The following SPATA19 variants were observed in gnomAD, a reference collection of about 807,000 sequenced individuals.
The protein encoded by SPATA19 is spermatogenesis associated 19, also known as spermatogenesis-associated protein 19, mitochondrial.
Under a neutral mutation model 25.0 loss-of-function variants are expected in SPATA19, and 19 were observed. That is an observed-to-expected ratio of 0.76 (90% CI 0.53 to 1.11). SPATA19 has a LOEUF of 1.11. Among genes scored for constraint, SPATA19 ranks in the 50% most tolerant of loss-of-function variants. The pLI is 0.00. For synonymous variants in SPATA19, 64 were observed against 69.3 expected, an observed-to-expected ratio of 0.92 and a Z score of 0.38; for missense variants, 222 against 211.4, an observed-to-expected ratio of 1.05 and a Z score of -0.31.
chr11:133,843,969 C>G (rs1270063435), intron 4 of SPATA19, among the ~76,000 whole-genome samples: 2 of 152,188 alleles, frequency 1.3e-5, no homozygotes, highest in Admixed American at 1.3e-4. Flanking sequence ...CTGAGCAACT[C>G]AAGTGCAAAA....
downstream of SPATA19, among the ~76,000 whole-genome samples, chr11:133,839,719 A>C (rs1938271317): frequency 6.6e-6 from 1 of 152,180 alleles, no homozygotes; most frequent in Non-Finnish European, 1.5e-5. Flanking sequence ...TGTCAGTAGA[A>C]TCTACCCAAA....
downstream of SPATA19, among the ~76,000 whole-genome samples, chr11:133,837,150 C>T (rs1161964759): frequency 1.3e-5 from 2 of 152,216 alleles, no homozygotes; most frequent in East Asian, 3.9e-4. Flanking sequence ...TGGAAGTCAT[C>T]ACTCTCATCC....
downstream of SPATA19, among the ~76,000 whole-genome samples, chr11:133,839,696 T>A (rs1016711600): frequency 2.0e-5 from 3 of 151,380 alleles, no homozygotes; most frequent in Non-Finnish European, 4.4e-5. Flanking sequence ...TTAAAAAATT[T>A]AAAAAAAAGA....
At chr11:133,843,081 G>A (rs1938344613) in intron 4 of SPATA19, among the ~76,000 whole-genome samples, 1 of 152,162 alleles carries the variant, frequency 6.6e-6, no homozygotes, top group South Asian at 2.1e-4. Flanking sequence ...CAAAACCAGT[G>A]GGTTGTGGGG....
downstream of SPATA19, among the ~76,000 whole-genome samples, chr11:133,836,548 G>T (rs925354402): frequency 1.3e-5 from 2 of 152,202 alleles, no homozygotes; most frequent in African/African-American, 2.4e-5. Context: ...TCAAACTCTG[G>T]CTATGCCATT....
chr11:133,844,028 A>G (rs1938365995), intron 4 of SPATA19, among the ~76,000 whole-genome samples: 1 of 152,252 alleles, frequency 6.6e-6, no homozygotes, highest in African/African-American at 2.4e-5. Flanking sequence ...AATGGAGTGC[A>G]AGCCCAGTTT....
intron 5 of SPATA19, 138 bp downstream of exon 5, chr11:133,842,347 T>A: frequency 1.3e-6 from 1 of 789,032 alleles, no homozygotes; most frequent in Non-Finnish European, 2.2e-6. Context: ...GACGCAGCCC[T>A]GGGAACTGTG....
At chr11:133,838,223 G>A (rs984849896), downstream of SPATA19, among the ~76,000 whole-genome samples, 7 of 152,200 alleles carry the variant, frequency 4.6e-5, no homozygotes, top group East Asian at 3.8e-4. Flanking sequence ...CTCTAATGGG[G>A]AAAGTGGACA....
At position 133,844,311 on chromosome 11, in the gene SPATA19, A is replaced by T; in HGVS notation, c.294T>A (p.Asp98Glu). ...DVVKHHLSKS[D>E]LLANQSQEVL... ...CCTCTTGGCTCTGGTTTGCCAACAA[A>T]TCAGACTTAGAGAGGTGGTGCTTCA... The change falls in exon 4 of 7, where the codon GAT (aspartate) becomes GAA (glutamate). Residue 98 changes from aspartate to glutamate, a missense_variant. Coordinates refer to ENST00000299140, the MANE Select transcript of SPATA19 (RefSeq NM_174927.3). The T allele has an allele frequency of 6.2e-7, 1 of 1,614,128 alleles. No homozygotes were observed. The highest frequency in any genetic ancestry group is 8.5e-7 in the Non-Finnish European group (1 of 1,180,014).
downstream of SPATA19, among the ~76,000 whole-genome samples, chr11:133,838,473 C>A (rs1342706103): frequency 2.0e-5 from 3 of 152,116 alleles, no homozygotes; most frequent in Non-Finnish European, 4.4e-5. Context: ...AACTGACTAG[C>A]CATATGTAGA....
Position 133,844,170 on chromosome 11 carries a change from C to CT in SPATA19, c.359+75dup. 3.3e-6 allele frequency: 4 copies of CT among 1,218,278 alleles called. No homozygotes were observed. The South Asian group carries it at 4.8e-5, about 15-fold the overall frequency. 75.5% of individuals were successfully genotyped at this position (1,218,278 alleles called of 1,614,324 possible). On this transcript the variant is annotated intron_variant, in intron 4 of 6. Transcript: ENST00000299140. ...AGACGACATCTCTAGAGAAGAGCATCTGAGGGTTCGTGAAGAGAGGGGCTT... is the reference window on the plus strand; with the variant it reads ...AGACGACATCTCTAGAGAAGAGCATCTTGAGGGTTCGTGAAGAGAGGGGCTT...
intron 4 of SPATA19, among the ~76,000 whole-genome samples, chr11:133,843,187 G>A (rs5019134): frequency 6.6e-5 from 10 of 151,978 alleles, no homozygotes; most frequent in Non-Finnish European, 1.2e-4. Context: ...TAGCCTGTCT[G>A]AAAAGCTTAA....
downstream of SPATA19, among the ~76,000 whole-genome samples, chr11:133,840,121 C>T (rs1373003591): frequency 6.6e-6 from 1 of 152,076 alleles, no homozygotes; most frequent in African/African-American, 2.4e-5. Flanking sequence ...GGTTACCGTA[C>T]AAGCAAGATG....
chr11:133,844,304 C>T lies in SPATA19; in HGVS notation c.301G>A (p.Ala101Thr), dbSNP rs1299096202. 6 of 1,614,122 alleles carry T rather than the reference C, an allele frequency of 3.7e-6. No individual in the cohort carries two copies. Among genetic ancestry groups the T allele is most frequent in the African/African-American group, 1.3e-5 (1 of 75,020 alleles). ...KHHLSKSDLL[A>T]NQSQEVLEER... Reference sequence around the variant, plus strand: ...TCTAGGACCTCTTGGCTCTGGTTTGCCAACAAATCAGACTTAGAGAGGTGG... The same window carrying T: ...TCTAGGACCTCTTGGCTCTGGTTTGTCAACAAATCAGACTTAGAGAGGTGG... The change falls in exon 4 of 7, where the codon GCA becomes ACA. Residue 101 changes from alanine (A) to threonine (T), a missense_variant. Ala to Thr is a moderately conservative substitution (Grantham distance 58). Transcript: ENST00000299140.
chr11:133,840,463 C>T (rs963864276), downstream of SPATA19, among the ~76,000 whole-genome samples: 4 of 152,228 alleles, frequency 2.6e-5, no homozygotes, highest in Non-Finnish European at 5.9e-5. Flanking sequence ...AGCACTCCTT[C>T]TTATGTTCCA....
chr11:133,842,318 T>G (rs1740141533), intron 5 of SPATA19, among the ~76,000 whole-genome samples, 167 bp downstream of exon 5: 1 of 152,224 alleles, frequency 6.6e-6, no homozygotes, highest in African/African-American at 2.4e-5. Context: ...AGCCCTGTCA[T>G]GTGGAGCACA....
chr11:133,839,382 G>C (rs188947654), downstream of SPATA19, among the ~76,000 whole-genome samples: 3,239 of 152,204 alleles, frequency 0.021, 84 homozygotes, highest in African/African-American at 0.059. Flanking sequence ...TCCTTTGTAG[G>C]GACATGGATG....
intron 6 of SPATA19, among the ~76,000 whole-genome samples, chr11:133,841,564 C>G (rs902360341): frequency 6.6e-6 from 1 of 152,180 alleles, no homozygotes; most frequent in Non-Finnish European, 1.5e-5. Flanking sequence ...CCGGGCCAAG[C>G]ACAAGGCAAG....
At chr11:133,844,213 C>A (rs761527040) in intron 4 of SPATA19, 33 bp downstream of exon 4, 1 of 1,585,552 alleles carries the variant, frequency 6.3e-7, no homozygotes, top group Non-Finnish European at 8.7e-7. Context: ...TCTCCCTCCC[C>A]TTCCTTCGCC....
Sources: allele counts gnomAD v4.1 joint callset (sites outside exome capture counted in the v4.1 genomes callset), GRCh38; gene constraint gnomAD v4.1.1; transcripts MANE v1.5; gene names NCBI Gene and HGNC (gene_info 2026-07-23, HGNC 2026-07-21).